LIN54: variants seen among roughly 807,000 people sequenced by gnomAD.
The protein encoded by LIN54 is lin-54 DREAM MuvB core complex component.
In LIN54, 9 loss-of-function variants were observed where a neutral mutation model predicts 78.7. That is an observed-to-expected ratio of 0.11 (90% CI 0.07 to 0.20). The LOEUF (loss-of-function observed/expected upper bound fraction) is 0.20. Among genes scored for constraint, LIN54 ranks in the 10% least tolerant of loss-of-function variants. The pLI, the probability that LIN54 is intolerant of heterozygous loss-of-function variation, is 1.00. For missense variants in LIN54, 573 were observed against 889.9 expected (o/e 0.64, Z 4.53); for synonymous variants, 269 against 318.4 (o/e 0.84, Z 1.65).
chr4:82,961,955 CAAA>C (rs11338764), intron 4 of LIN54, among the ~76,000 whole-genome samples: 6 of 123,158 alleles, frequency 4.9e-5, no homozygotes, highest in Admixed American at 8.9e-5. Context: ...GACTCTGTCT[CAAA>C]AAAAAAAAAA....
intron 3 of LIN54, among the ~76,000 whole-genome samples, chr4:82,970,843 T>C (rs767812679): frequency 2.0e-5 from 3 of 152,206 alleles, no homozygotes; most frequent in Non-Finnish European, 4.4e-5. Flanking sequence ...CTACTATCTA[T>C]AGCTGTCTTC....
intron 1 of LIN54, among the ~76,000 whole-genome samples, chr4:82,991,844 A>G (rs893051712): frequency 2.0e-5 from 3 of 152,116 alleles, no homozygotes; most frequent in African/African-American, 4.8e-5. Flanking sequence ...ATCATGTCTT[A>G]TAATTTGTAT....
chr4:83,000,156 A>G (rs1728632818), intron 1 of LIN54, among the ~76,000 whole-genome samples: 1 of 152,178 alleles, frequency 6.6e-6, no homozygotes, highest in Non-Finnish European at 1.5e-5. Context: ...AGCTCTCCAA[A>G]GTGCTGGGAT....
chr4:82,954,151 C>T (rs1724086389), intron 4 of LIN54, among the ~76,000 whole-genome samples: 1 of 151,840 alleles, frequency 6.6e-6, no homozygotes, highest in Non-Finnish European at 1.5e-5. Context: ...ACTAAAAATT[C>T]ACACATGAAG....
intron 11 of LIN54, among the ~76,000 whole-genome samples, chr4:82,933,076 C>T (rs138189340): frequency 6.6e-6 from 1 of 151,778 alleles, no homozygotes; most frequent in Non-Finnish European, 1.5e-5. Flanking sequence ...ATAAATTCCA[C>T]TTACCAAAGG....
chr4:82,978,919 C>T lies in LIN54; in HGVS notation c.772G>A (p.Gly258Arg). The change falls in exon 3 of 13, where the codon GGA (glycine) becomes AGA (arginine). Residue 258 changes from glycine to arginine, a missense_variant. Physicochemically the swap from Gly to Arg is moderately radical, Grantham distance 125. Coordinates refer to ENST00000340417, the MANE Select transcript of LIN54 (RefSeq NM_194282.4). ...AKPINSKAVT[G>R]QTTQVSPPVI... ...GGTGGTGAAACTTGAGTTGTCTGTC[C>T]TGTAACTGCTTTACTATTAATTGGT... 1 of 1,584,892 alleles carries T rather than the reference C, an allele frequency of 6.3e-7. No individual in the cohort carries two copies. Among genetic ancestry groups the T allele is most frequent in the Non-Finnish European group, 8.6e-7 (1 of 1,157,234 alleles).
intron 11 of LIN54, among the ~76,000 whole-genome samples, chr4:82,931,698 T>C (rs1184621499): frequency 1.3e-5 from 2 of 152,214 alleles, no homozygotes; most frequent in East Asian, 1.9e-4. Flanking sequence ...CATATAAATA[T>C]ATATTTTCAT....
At position 82,925,359 on chromosome 4, in the gene LIN54, A is replaced by T. The variant is rs542975260; in HGVS notation, c.*2743T>A. ...CAGGTGTGCGCCACCACACGCAGTG[A>T]ATTTTTTTATATTTTTAGTAGAGAC... On this transcript the variant is annotated 3_prime_UTR_variant, in exon 13 of 13. Transcript: ENST00000340417. The T allele has an allele frequency of 6.6e-5, 10 of 152,198 alleles. No individual in the cohort carries two copies. Among genetic ancestry groups the T allele is most frequent in the African/African-American group, 2.4e-4 (10 of 41,510 alleles). 9.4% of individuals were successfully genotyped at this position (152,198 alleles called of 1,614,324 possible). A position where few individuals can be genotyped will look rare whatever the true frequency, so the allele number is the denominator to read the frequency against.
chr4:82,939,705 T>C lies in LIN54; in HGVS notation c.1274A>G (p.Gln425Arg), dbSNP rs563504425. ...VVPKPINPTS[Q>R]IVTTSQPQQR... ...CTGTGGCTGGCTAGTAGTTACTATT[T>C]GTGAAGTTGGATTGATTGGTTTTGG... The change falls in exon 7 of 13, where the codon CAA becomes CGA. Residue 425 changes from glutamine to arginine, a missense_variant. This residue lies in a region of LIN54 where 199 missense variants were observed against 260.9 expected (regional missense o/e 0.76). Transcript: ENST00000340417. 1 of 1,614,192 alleles carries C rather than the reference T, an allele frequency of 6.2e-7. No homozygotes were observed. Among genetic ancestry groups the C allele is most frequent in the South Asian group, 1.1e-5 (1 of 91,080 alleles).
At chr4:82,958,236 T>C (rs1476503071) in intron 4 of LIN54, among the ~76,000 whole-genome samples, 1 of 152,224 alleles carries the variant, frequency 6.6e-6, no homozygotes, top group Non-Finnish European at 1.5e-5. Flanking sequence ...GTAGCATTAT[T>C]ATGTATATAT....
chr4:83,009,293 G>A (rs1359697705), intron 1 of LIN54, among the ~76,000 whole-genome samples: 2 of 152,104 alleles, frequency 1.3e-5, no homozygotes, highest in East Asian at 1.9e-4. Context: ...TTTGAATAAG[G>A]AAATAATATC....
chr4:82,985,590 A>G (rs779508467), intron 1 of LIN54, among the ~76,000 whole-genome samples: 1 of 152,220 alleles, frequency 6.6e-6, no homozygotes, highest in Non-Finnish European at 1.5e-5. Context: ...GCCAAGGCTG[A>G]AGTGCAGTGG....
At chr4:82,928,697 C>T (rs1056412244) in intron 12 of LIN54, among the ~76,000 whole-genome samples, 48 of 152,158 alleles carry the variant, frequency 3.2e-4, no homozygotes, top group Non-Finnish European at 4.4e-5. Context: ...TAGTGCATGA[C>T]ATAGAGACGC....
chr4:82,928,046 G>T lies in LIN54; in HGVS notation c.*56C>A. 1 of 1,423,724 alleles carries T rather than the reference G, an allele frequency of 7.0e-7. No individual in the cohort carries two copies. Among genetic ancestry groups the T allele is most frequent in the Non-Finnish European group, 9.9e-7 (1 of 1,007,590 alleles). The allele number at this position is 1,423,724 out of a possible 1,614,324, so 88.2% of individuals were successfully genotyped here. A position where few individuals can be genotyped will look rare whatever the true frequency, so the allele number is the denominator to read the frequency against. Reference sequence around the variant, plus strand: ...TTGTTTTTCTTCCAGAAAATCAAGTGTCCCTGCACCTTAAATTTTCTGTAC... The same window carrying T: ...TTGTTTTTCTTCCAGAAAATCAAGTTTCCCTGCACCTTAAATTTTCTGTAC... On this transcript the variant is annotated 3_prime_UTR_variant, in exon 13 of 13. Transcript: ENST00000340417.
chr4:82,995,835 T>C (rs1483682546), intron 1 of LIN54, among the ~76,000 whole-genome samples: 2 of 151,184 alleles, frequency 1.3e-5, no homozygotes, highest in Admixed American at 1.3e-4. Flanking sequence ...ATGCAGGGCA[T>C]GGTGGCCTAT....
intron 4 of LIN54, among the ~76,000 whole-genome samples, chr4:82,965,336 A>G (rs1280911619): frequency 1.3e-5 from 2 of 152,240 alleles, no homozygotes; most frequent in African/African-American, 4.8e-5. Flanking sequence ...ATTACAATAT[A>G]AAGTAAATTG....
At chr4:82,947,568 T>C (rs892713703) in intron 4 of LIN54, among the ~76,000 whole-genome samples, 3 of 152,114 alleles carry the variant, frequency 2.0e-5, no homozygotes, top group Non-Finnish European at 4.4e-5. Context: ...TTGATTAAAA[T>C]GATTTAATTA....
chr4:82,953,447 A>G (rs2126052723), intron 4 of LIN54, among the ~76,000 whole-genome samples: 1 of 152,268 alleles, frequency 6.6e-6, no homozygotes, highest in Non-Finnish European at 1.5e-5. Flanking sequence ...TATATTACGT[A>G]TATTTTGCCA....
intron 11 of LIN54, among the ~76,000 whole-genome samples, chr4:82,931,638 T>C (rs1578479760): frequency 6.6e-6 from 1 of 152,174 alleles, no homozygotes; most frequent in Admixed American, 6.5e-5. Flanking sequence ...GACTTCAGAT[T>C]CCCCAAACCC....
Sources: allele counts gnomAD v4.1 joint callset (sites outside exome capture counted in the v4.1 genomes callset), GRCh38; gene constraint gnomAD v4.1.1; regional missense constraint gnomAD v4.1.1; transcripts MANE v1.5; gene names NCBI Gene and HGNC (gene_info 2026-07-23, HGNC 2026-07-21).